The following CNTNAP5 variants were observed in gnomAD, a reference collection of about 807,000 sequenced individuals.
CNTNAP5 encodes contactin-associated protein-like 5.
A neutral mutation model predicts 150.2 loss-of-function variants in CNTNAP5; 72 were observed. The ratio of observed to expected loss-of-function variants is 0.48; its 90% CI spans 0.40 to 0.58. The LOEUF (loss-of-function observed/expected upper bound fraction) is 0.58. Among genes scored for constraint, CNTNAP5 ranks in the 20% least tolerant of loss-of-function variants. CNTNAP5 has a pLI of 0.00. For synonymous variants in CNTNAP5, 672 were observed against 619.8 expected, an observed-to-expected ratio of 1.08 and a Z score of -1.25; for missense variants, 1,636 against 1,626.2, an observed-to-expected ratio of 1.01 and a Z score of -0.10.
intron 23 of CNTNAP5, 76 bp from the exon 24 acceptor site, chr2:124,914,016 T>G: frequency 9.4e-7 from 1 of 1,061,520 alleles, no homozygotes; most frequent in South Asian, 1.5e-5. Flanking sequence ...ATTCCCCTCA[T>G]CTGGAGGGAA....
chr2:124,706,977 G>A (rs1166444513), intron 13 of CNTNAP5, among the ~76,000 whole-genome samples: 93 of 64,278 alleles, frequency 1.4e-3, no homozygotes, highest in African/African-American at 2.0e-3. Context: ...AAGAGGAAGA[G>A]TAAGAAGGAG....
chr2:124,538,594 A>G (rs1031705338), intron 10 of CNTNAP5, among the ~76,000 whole-genome samples: 1 of 151,682 alleles, frequency 6.6e-6, no homozygotes, highest in African/African-American at 2.4e-5. Flanking sequence ...GGAAAGAAAG[A>G]AAGGAAGGAA....
intron 6 of CNTNAP5, among the ~76,000 whole-genome samples, chr2:124,448,898 T>C (rs1304141310): frequency 1.5e-4 from 23 of 152,212 alleles, no homozygotes; most frequent in Admixed American, 1.5e-3. Context: ...ATTAAAAGAA[T>C]CTTACGTTTG....
chr2:124,668,289 G>A (rs1181427929), intron 13 of CNTNAP5, among the ~76,000 whole-genome samples: 1 of 152,204 alleles, frequency 6.6e-6, no homozygotes, highest in Admixed American at 6.5e-5. Flanking sequence ...CTAGGTTATG[G>A]ATCTCCTTCT....
intron 7 of CNTNAP5, among the ~76,000 whole-genome samples, chr2:124,480,924 A>G (rs1264836234): frequency 6.6e-6 from 1 of 152,218 alleles, no homozygotes; most frequent in East Asian, 1.9e-4. Context: ...AATAGTTTCA[A>G]GGTCATATGA....
rs543871706 is a variant in CNTNAP5, at chr2:124,864,421, C to T, written c.3218-885C>T. On this transcript the variant is annotated intron_variant, in intron 19 of 23. Transcript: ENST00000682447. ...ACAATATACTTTTGTTAACTCTAGT[C>T]ATCCTACAGTGCTATAGAACACTAG... Among the ~76,000 whole-genome samples, 9 of 152,116 alleles carry T rather than the reference C, an allele frequency of 5.9e-5. No individual in the cohort carries two copies. In the South Asian group the frequency reaches 1.9e-3, roughly 32 times the overall value.
chr2:124,841,169 T>C (rs1682937515), intron 19 of CNTNAP5, among the ~76,000 whole-genome samples: 1 of 152,034 alleles, frequency 6.6e-6, no homozygotes, highest in Admixed American at 6.6e-5. Context: ...CCATTCACAG[T>C]AGTGCTTCTT....
chr2:124,058,867 G>C lies in CNTNAP5; in HGVS notation c.82+33135G>C, dbSNP rs150940028. Among the ~76,000 whole-genome samples, 3 of 152,268 alleles carry C rather than the reference G, an allele frequency of 2.0e-5. No individual in the cohort carries two copies. The East Asian group carries it at 5.8e-4, about 29-fold the overall frequency. On this transcript the variant is annotated intron_variant, in intron 1 of 23. Coordinates refer to ENST00000682447, the MANE Select transcript of CNTNAP5 (RefSeq NM_001367498.1). ...GTTGAGTCCTGCTACATCTGAGCAAGTGCTTTTTCAAGTTGCTTCCTGCTG... is the reference window on the plus strand; with the variant it reads ...GTTGAGTCCTGCTACATCTGAGCAACTGCTTTTTCAAGTTGCTTCCTGCTG...
intron 5 of CNTNAP5, among the ~76,000 whole-genome samples, chr2:124,446,203 T>A (rs768652130): frequency 6.6e-6 from 1 of 152,194 alleles, no homozygotes; most frequent in Admixed American, 6.5e-5. Context: ...CCAATGGAGA[T>A]GATAATTTTC....
intron 1 of CNTNAP5, among the ~76,000 whole-genome samples, chr2:124,077,241 G>T (rs775648885): frequency 6.6e-6 from 1 of 151,852 alleles, no homozygotes; most frequent in African/African-American, 2.4e-5. Flanking sequence ...TAACTACACC[G>T]TGGATAACAT....
intron 10 of CNTNAP5, among the ~76,000 whole-genome samples, chr2:124,550,677 T>A (rs916548778): frequency 6.6e-6 from 1 of 152,146 alleles, no homozygotes; most frequent in Non-Finnish European, 1.5e-5. Flanking sequence ...AGCCCCTCTG[T>A]CAATTGCGTG....
At chr2:124,353,345 T>C (rs1231543355) in intron 3 of CNTNAP5, among the ~76,000 whole-genome samples, 1 of 148,038 alleles carries the variant, frequency 6.8e-6, no homozygotes, top group Non-Finnish European at 1.5e-5. Context: ...GAAGAGAGTG[T>C]GACATTTAAT....
intron 13 of CNTNAP5, among the ~76,000 whole-genome samples, chr2:124,711,667 A>G (rs1679811222): frequency 6.6e-6 from 1 of 151,862 alleles, no homozygotes; most frequent in Non-Finnish European, 1.5e-5. Context: ...CTCTACTAAA[A>G]ACAAACAAAC....
chr2:124,367,126 G>T (rs990502152), intron 3 of CNTNAP5, among the ~76,000 whole-genome samples: 2 of 152,190 alleles, frequency 1.3e-5, no homozygotes, highest in Admixed American at 6.5e-5. Context: ...AATGCTGAAG[G>T]ATAATTATTA....
At chr2:124,344,559 C>T (rs993687727) in intron 3 of CNTNAP5, among the ~76,000 whole-genome samples, 25 of 151,986 alleles carry the variant, frequency 1.6e-4, no homozygotes, top group African/African-American at 5.8e-4. Flanking sequence ...CAGTTCAGGA[C>T]AGGAATTTAA....
intron 1 of CNTNAP5, among the ~76,000 whole-genome samples, chr2:124,154,860 C>T (rs190688196): frequency 3.3e-5 from 5 of 152,240 alleles, no homozygotes; most frequent in Admixed American, 3.3e-4. Context: ...GGCTCCAGTG[C>T]AGACCAGTTA....
chr2:124,727,590 G>A (rs1680184605), intron 13 of CNTNAP5, among the ~76,000 whole-genome samples: 2 of 151,858 alleles, frequency 1.3e-5, no homozygotes, highest in South Asian at 4.1e-4. Context: ...ATTGTAATGA[G>A]ATTGTCTTAT....
At chr2:124,597,783 A>G (rs1199969714) in intron 11 of CNTNAP5, among the ~76,000 whole-genome samples, 1 of 151,862 alleles carries the variant, frequency 6.6e-6, no homozygotes, top group African/African-American at 2.4e-5. Flanking sequence ...AGGCACACCA[A>G]TCAGACGTAG....
chr2:124,067,080 G>C (rs141941417), intron 1 of CNTNAP5, among the ~76,000 whole-genome samples: 279 of 152,268 alleles, frequency 1.8e-3, no homozygotes, highest in African/African-American at 6.4e-3. Context: ...CTGTCTTCTA[G>C]ATGCTTTGCA....
Sources: gnomAD v4.1 joint callset for allele counts (sites outside exome capture counted in the v4.1 genomes callset) on GRCh38, gnomAD v4.1.1 for gene constraint, MANE v1.5 for transcripts, NCBI Gene and HGNC (gene_info 2026-07-23, HGNC 2026-07-21) for gene names.